The following RBM20 variants were observed in gnomAD, a reference collection of about 807,000 sequenced individuals.
RBM20 encodes RNA-binding protein 20.
In RBM20, 51 loss-of-function variants were observed where a neutral mutation model predicts 110.1. The ratio of observed to expected loss-of-function variants is 0.46; its 90% CI spans 0.37 to 0.59. The LOEUF is 0.59. Ranked by LOEUF, RBM20 falls within the 20% of genes least tolerant of loss-of-function variation. RBM20 has a pLI of 0.00. For synonymous variants in RBM20, 589 were observed against 618.2 expected (o/e 0.95, Z 0.70); for missense variants, 1,512 against 1,574.9 (o/e 0.96, Z 0.68).
intron 1 of RBM20, among the ~76,000 whole-genome samples, chr10:110,744,904 G>T (rs1220030796): frequency 6.6e-6 from 1 of 152,176 alleles, no homozygotes; most frequent in Non-Finnish European, 1.5e-5. Context: ...TTGTGTTCAG[G>T]ACAGCTGAAG....
intron 1 of RBM20, among the ~76,000 whole-genome samples, chr10:110,767,575 G>A (rs1475743207): frequency 6.6e-6 from 1 of 151,702 alleles, no homozygotes; most frequent in Non-Finnish European, 1.5e-5. Context: ...TCTCAGACGG[G>A]GCGGTTGCCA....
At chr10:110,712,853 T>C (rs1280154952) in intron 1 of RBM20, among the ~76,000 whole-genome samples, 2 of 152,252 alleles carry the variant, frequency 1.3e-5, no homozygotes, top group African/African-American at 4.8e-5. Context: ...GACTCCACTA[T>C]ATAATCTGTT....
intron 1 of RBM20, among the ~76,000 whole-genome samples, chr10:110,717,930 T>G (rs1843453671): frequency 6.6e-6 from 1 of 152,224 alleles, no homozygotes; most frequent in Non-Finnish European, 1.5e-5. Context: ...CTGGGACTAG[T>G]GCATGGAGAG....
chr10:110,775,319 T>C (rs2078243), intron 1 of RBM20, among the ~76,000 whole-genome samples: 60,039 of 152,118 alleles, frequency 0.39, 12,493 homozygotes, highest in Middle Eastern at 0.5. Flanking sequence ...TTTAAATTCC[T>C]GAACTGGTTA....
intron 1 of RBM20, among the ~76,000 whole-genome samples, chr10:110,650,555 C>T (rs996229568): frequency 7.2e-5 from 11 of 152,160 alleles, no homozygotes; most frequent in South Asian, 2.1e-4. Flanking sequence ...ATAGTTTCCA[C>T]GCCAATTTTG....
intron 1 of RBM20, among the ~76,000 whole-genome samples, chr10:110,698,413 G>A (rs1352016759): frequency 6.6e-6 from 1 of 152,204 alleles, no homozygotes; most frequent in African/African-American, 2.4e-5. Context: ...AGCACCAGGA[G>A]TTGCCCTCGC....
chr10:110,750,529 A>G (rs1424287073), intron 1 of RBM20, among the ~76,000 whole-genome samples: 1 of 152,214 alleles, frequency 6.6e-6, no homozygotes, highest in Admixed American at 6.5e-5. Context: ...CGTCACAAGC[A>G]TTAAGTTCTA....
intron 1 of RBM20, among the ~76,000 whole-genome samples, chr10:110,777,137 A>G (rs2135034114): frequency 6.6e-6 from 1 of 152,316 alleles, no homozygotes; most frequent in South Asian, 2.1e-4. Context: ...TGTGCTGAGG[A>G]AATACAAGAT....
intron 7 of RBM20, among the ~76,000 whole-genome samples, chr10:110,801,862 T>C (rs1383483084): frequency 6.6e-6 from 1 of 152,130 alleles, no homozygotes; most frequent in African/African-American, 2.4e-5. Context: ...CACAGTTTTA[T>C]ATTTTATTCC....
In RBM20 at chr10:110,739,796, C is replaced by A. The variant is rs990946779; in HGVS notation, c.192-41005C>A. Among the ~76,000 whole-genome samples, 1 of 152,160 alleles carries A rather than the reference C, an allele frequency of 6.6e-6. No individual in the cohort carries two copies. The highest frequency in any genetic ancestry group is 2.4e-5 in the African/African-American group (1 of 41,418). ...GAGATCCAGCAGTTCAAATCCCTGG[C>A]CTGAGTATTGGGTGATTGTTGCGGT... On this transcript the variant is annotated intron_variant, in intron 1 of 13. Coordinates refer to ENST00000369519, the MANE Select transcript of RBM20 (RefSeq NM_001134363.3). This position sits in a 1 kb window ranked among gnomAD's most constrained non-coding sequence, Gnocchi z 4.1.
chr10:110,824,541 T>A (rs1028990591), intron 12 of RBM20, among the ~76,000 whole-genome samples: 4 of 152,162 alleles, frequency 2.6e-5, no homozygotes, highest in African/African-American at 9.7e-5. Context: ...CTCTCTGTAA[T>A]TTAGACAGCG....
chr10:110,655,301 T>C (rs187848076), intron 1 of RBM20, among the ~76,000 whole-genome samples: 1 of 141,796 alleles, frequency 7.1e-6, no homozygotes, highest in Non-Finnish European at 1.5e-5. Flanking sequence ...CTTAAAACTT[T>C]AAGTACAGCT....
chr10:110,818,826 TAA>T (rs1844874642), intron 9 of RBM20, among the ~76,000 whole-genome samples: 1 of 152,222 alleles, frequency 6.6e-6, no homozygotes, highest in Non-Finnish European at 1.5e-5. Flanking sequence ...GAGATAAAAA[TAA>T]AGTCACCTGT....
chr10:110,752,258 G>A (rs759319436), intron 1 of RBM20, among the ~76,000 whole-genome samples: 2 of 152,140 alleles, frequency 1.3e-5, no homozygotes, highest in Non-Finnish European at 2.9e-5. Context: ...CTATAGTTCT[G>A]CCTTTTCCAG....
At chr10:110,762,408 G>A (rs949206881) in intron 1 of RBM20, among the ~76,000 whole-genome samples, 13 of 152,184 alleles carry the variant, frequency 8.5e-5, no homozygotes, top group African/African-American at 2.7e-4. Context: ...CAGCTTGTGC[G>A]TCTTCATTTC....
At chr10:110,731,486 G>GC (rs1843620846) in intron 1 of RBM20, among the ~76,000 whole-genome samples, 1 of 152,042 alleles carries the variant, frequency 6.6e-6, no homozygotes, top group Non-Finnish European at 1.5e-5. Flanking sequence ...AATTCCCTTT[G>GC]CCATATCCCA....
chr10:110,644,827 G>C lies in RBM20; in HGVS notation c.191+182G>C, dbSNP rs1861845705. On this transcript the variant is annotated intron_variant, in intron 1 of 13. Transcript: ENST00000369519. The surrounding 1 kb of genome is among the most constrained non-coding windows in gnomAD (Gnocchi z 4.3). ...CTGGCTGTTTGTTAGGCTGGAAAGAGGGGAGCCAAGTTCTTTAGGGAAAAT... is the reference window on the plus strand; with the variant it reads ...CTGGCTGTTTGTTAGGCTGGAAAGACGGGAGCCAAGTTCTTTAGGGAAAAT... 6.6e-6 allele frequency among the ~76,000 whole-genome samples: 1 copy of C among 152,160 alleles called. No homozygotes were observed. The highest frequency in any genetic ancestry group is 2.1e-4 in the South Asian group (1 of 4,824).
At chr10:110,669,172 A>G (rs1053429682) in intron 1 of RBM20, among the ~76,000 whole-genome samples, 18 of 152,220 alleles carry the variant, frequency 1.2e-4, no homozygotes, top group African/African-American at 4.3e-4. Flanking sequence ...TTAATTTAAA[A>G]TACTGGTTAC....
intron 7 of RBM20, among the ~76,000 whole-genome samples, chr10:110,804,863 T>TG (rs903560638): frequency 1.3e-5 from 2 of 152,158 alleles, no homozygotes; most frequent in Non-Finnish European, 2.9e-5. Context: ...GGATTTTTTG[T>TG]GGGGGGAGTC....
Sources: gnomAD v4.1 joint callset for allele counts (sites outside exome capture counted in the v4.1 genomes callset) on GRCh38, gnomAD v4.1.1 for gene constraint, Gnocchi (gnomAD v3.1) non-coding constraint, MANE v1.5 for transcripts, NCBI Gene and HGNC (gene_info 2026-07-23, HGNC 2026-07-21) for gene names.